TMEM132D: variants seen among roughly 807,000 people sequenced by gnomAD.
TMEM132D encodes the protein transmembrane protein 132D.
In TMEM132D, 21 loss-of-function variants were observed where a neutral mutation model predicts 62.3. The observed-to-expected ratio is 0.34, with a 90% CI of 0.24 to 0.49. The LOEUF is 0.49. Among genes scored for constraint, TMEM132D ranks in the 20% least tolerant of loss-of-function variants. The pLI is 0.99. For missense variants in TMEM132D, 1,346 were observed against 1,402.8 expected (o/e 0.96, Z 0.65); for synonymous variants, 621 against 575.6 (o/e 1.08, Z -1.13).
intron 1 of TMEM132D, among the ~76,000 whole-genome samples, chr12:129,785,024 T>A (rs975337187): frequency 7.2e-5 from 11 of 152,194 alleles, no homozygotes; most frequent in Admixed American, 6.5e-4. Flanking sequence ...CAGTGGCACG[T>A]TTATTTTCGT....
chr12:129,254,360 T>C (rs1566012941), intron 4 of TMEM132D, among the ~76,000 whole-genome samples: 1 of 152,132 alleles, frequency 6.6e-6, no homozygotes, highest in Non-Finnish European at 1.5e-5. Flanking sequence ...CACACAAAAA[T>C]TAAAAAGGAT....
At chr12:129,798,059 T>G (rs1871617525) in intron 1 of TMEM132D, among the ~76,000 whole-genome samples, 1 of 152,118 alleles carries the variant, frequency 6.6e-6, no homozygotes, top group South Asian at 2.1e-4. Context: ...TGTGGCACCC[T>G]CCTCCTCTCT....
chr12:129,817,819 T>C (rs1043661848), intron 1 of TMEM132D, among the ~76,000 whole-genome samples: 5 of 147,354 alleles, frequency 3.4e-5, no homozygotes, highest in Non-Finnish European at 7.5e-5. Flanking sequence ...TCTGTGTGTG[T>C]ATCTGTGTGT....
At chr12:129,244,312 G>C (rs900333725) in intron 4 of TMEM132D, among the ~76,000 whole-genome samples, 8 of 150,566 alleles carry the variant, frequency 5.3e-5, no homozygotes, top group African/African-American at 2.0e-4. Context: ...CGTGAGCCCG[G>C]GAGGCGGAGC....
In TMEM132D at chr12:129,648,846, GT is replaced by G. The variant is rs963889344; in HGVS notation, c.968+50963del. Among the ~76,000 whole-genome samples, 63 of 152,142 alleles carry G rather than the reference GT, an allele frequency of 4.1e-4. 1 individual carries two copies. The highest frequency in any genetic ancestry group is 1.4e-3 in the African/African-American group (57 of 41,494). ...TCAAATACCATCTATAATAAATAGG[GT>G]TTTTCCTTTATAAAAAAATATATAT... On this transcript the variant is annotated intron_variant, in intron 2 of 8. Transcript: ENST00000422113.
At chr12:129,583,092 G>A (rs1472121129) in intron 2 of TMEM132D, among the ~76,000 whole-genome samples, 1 of 152,226 alleles carries the variant, frequency 6.6e-6, no homozygotes, top group African/African-American at 2.4e-5. Context: ...ACAGGCGTGA[G>A]CCACTGTGCC....
chr12:129,144,324 C>T (rs537426915), intron 5 of TMEM132D, among the ~76,000 whole-genome samples: 1 of 152,192 alleles, frequency 6.6e-6, no homozygotes, highest in African/African-American at 2.4e-5. Context: ...CATTTCCTTC[C>T]TATGTTAACT....
intron 4 of TMEM132D, among the ~76,000 whole-genome samples, chr12:129,243,365 T>C (rs1038314221): frequency 3.9e-5 from 6 of 152,184 alleles, no homozygotes; most frequent in African/African-American, 1.4e-4. Flanking sequence ...TCTATTATTA[T>C]TATTATTATT....
rs192156906 is a variant in TMEM132D, at chr12:129,869,933, C to G, written c.79+33328G>C. On this transcript the variant is annotated intron_variant, in intron 1 of 8. Coordinates refer to ENST00000422113, the MANE Select transcript of TMEM132D (RefSeq NM_133448.3). ...CTTGTCACTGGTTCCCAGCAGAGAG[C>G]TTTAGAAACCCCTGGCACTTCCTGA... Among the ~76,000 whole-genome samples the G allele has an allele frequency of 1.4e-3, 213 of 152,254 alleles. 2 individuals are homozygous for G. Among genetic ancestry groups the G allele is most frequent in the African/African-American group, 4.9e-3 (203 of 41,546 alleles).
intron 2 of TMEM132D, among the ~76,000 whole-genome samples, chr12:129,593,617 T>G (rs1349609826): frequency 6.6e-6 from 1 of 152,200 alleles, no homozygotes; most frequent in African/African-American, 2.4e-5. Flanking sequence ...CACTTTTGGC[T>G]TTTGGGAAAG....
chr12:129,694,866 G>A (rs938355037), intron 2 of TMEM132D, among the ~76,000 whole-genome samples: 4 of 152,142 alleles, frequency 2.6e-5, no homozygotes, highest in African/African-American at 9.7e-5. Flanking sequence ...AAATTAGCCA[G>A]GCATGGCGAT....
intron 2 of TMEM132D, among the ~76,000 whole-genome samples, chr12:129,539,202 C>T (rs1298288681): frequency 6.6e-6 from 1 of 151,136 alleles, no homozygotes; most frequent in African/African-American, 2.4e-5. Context: ...GAATGGCATG[C>T]AATTTAAAAC....
At chr12:129,111,523 T>C (rs1201735589) in intron 5 of TMEM132D, 4 of 152,198 alleles carry the variant, frequency 2.6e-5, no homozygotes, top group African/African-American at 9.6e-5. Context: ...ACTGTGAGTG[T>C]CTGATGGGTG....
At chr12:129,430,913 C>T (rs1013183084) in intron 3 of TMEM132D, among the ~76,000 whole-genome samples, 1 of 152,212 alleles carries the variant, frequency 6.6e-6, no homozygotes, top group Non-Finnish European at 1.5e-5. Context: ...CACTTTTAAA[C>T]CAAATTAGTT....
chr12:129,425,351 A>G (rs544936749), intron 3 of TMEM132D, among the ~76,000 whole-genome samples: 3 of 149,480 alleles, frequency 2.0e-5, no homozygotes, highest in Non-Finnish European at 4.4e-5. Flanking sequence ...TTGCTGCACT[A>G]TTTTCCATTC....
At chr12:129,378,045 A>G (rs1458883445) in intron 3 of TMEM132D, among the ~76,000 whole-genome samples, 1 of 152,204 alleles carries the variant, frequency 6.6e-6, no homozygotes, top group Non-Finnish European at 1.5e-5. Context: ...GCTATTGATG[A>G]ACAAAGTCCT....
intron 5 of TMEM132D, among the ~76,000 whole-genome samples, chr12:129,100,883 G>C (rs988655382): frequency 6.6e-6 from 1 of 152,166 alleles, no homozygotes; most frequent in South Asian, 2.1e-4. Flanking sequence ...TCAAATCCTG[G>C]GGGGAGGCAC....
At position 129,439,022 on chromosome 12, in the gene TMEM132D, G is replaced by GT. The variant is rs139549631; in HGVS notation, c.1115+92036dup. ...TGATCTTCTCATTCTAAGCCTCCAGGTTTTATGCCCAGCATAGGATTAAAA... is the reference window on the plus strand; with the variant it reads ...TGATCTTCTCATTCTAAGCCTCCAGGTTTTTATGCCCAGCATAGGATTAAAA... On this transcript the variant is annotated intron_variant, in intron 3 of 8. Transcript: ENST00000422113. 7.2e-4 allele frequency among the ~76,000 whole-genome samples: 109 copies of GT among 152,254 alleles called. No individual in the cohort carries two copies. The East Asian group carries it at 0.02, about 28-fold the overall frequency.
At chr12:129,612,144 G>A (rs1222441439) in intron 2 of TMEM132D, among the ~76,000 whole-genome samples, 2 of 152,148 alleles carry the variant, frequency 1.3e-5, no homozygotes, top group Non-Finnish European at 2.9e-5. Context: ...CAGACCATGG[G>A]CTGTAACATC....
Sources: allele counts gnomAD v4.1 joint callset (sites outside exome capture counted in the v4.1 genomes callset), GRCh38; gene constraint gnomAD v4.1.1; transcripts MANE v1.5; gene names NCBI Gene and HGNC (gene_info 2026-07-23, HGNC 2026-07-21).